The following JAKMIP3 variants were observed in gnomAD, a reference collection of about 807,000 sequenced individuals.
JAKMIP3 encodes Janus kinase and microtubule interacting protein 3.
A neutral mutation model predicts 118.5 loss-of-function variants in JAKMIP3; 58 were observed. That is an observed-to-expected ratio of 0.49 (90% confidence interval 0.40 to 0.61). JAKMIP3 has a LOEUF of 0.61. Ranked by LOEUF, JAKMIP3 falls within the 20% of genes least tolerant of loss-of-function variation. The pLI is 0.00. For synonymous variants in JAKMIP3, 486 were observed against 451.2 expected (o/e 1.08, Z -0.98); for missense variants, 950 against 1,109.0 (o/e 0.86, Z 2.04).
At chr10:132,126,858 AT>A (rs2135545546) in intron 3 of JAKMIP3, among the ~76,000 whole-genome samples, 1 of 152,254 alleles carries the variant, frequency 6.6e-6, no homozygotes, top group African/African-American at 2.4e-5. Flanking sequence ...TATATTGTCT[AT>A]TTTATATATA....
At chr10:132,080,745 C>T (rs1326253061) in intron 1 of JAKMIP3, among the ~76,000 whole-genome samples, 2 of 151,850 alleles carry the variant, frequency 1.3e-5, no homozygotes. Context: ...GTCTCGAACT[C>T]CCAACCTCAA....
chr10:132,120,854 C>T (rs1275094794), intron 3 of JAKMIP3, among the ~76,000 whole-genome samples: 1 of 152,242 alleles, frequency 6.6e-6, no homozygotes, highest in African/African-American at 2.4e-5. Flanking sequence ...CTCCCCAGGC[C>T]CAGCTGTGAG....
intron 15 of JAKMIP3, 51 bp from the exon 16 acceptor site, chr10:132,149,931 C>A (rs942879311): frequency 1.4e-6 from 1 of 713,192 alleles, no homozygotes; most frequent in East Asian, 4.0e-5. Context: ...CTTCCCCACC[C>A]CCTCTGCCCA....
chr10:132,167,118 C>CCCCTG (rs1590017476), intron 22 of JAKMIP3, 63 bp downstream of exon 22: 2 of 1,152,492 alleles, frequency 1.7e-6, no homozygotes, highest in Non-Finnish European at 2.5e-6. Context: ...GACTCCTCTG[C>CCCCTG]CCCTGCCCTG....
chr10:132,073,941 A>G (rs371891053), intron 1 of JAKMIP3, among the ~76,000 whole-genome samples: 4 of 152,246 alleles, frequency 2.6e-5, no homozygotes, highest in African/African-American at 9.6e-5. Flanking sequence ...TCTTTGAGAA[A>G]TCTCCATACG....
rs1271997065 is a variant in JAKMIP3 at position 132,184,603 on chromosome 10, C to T, written c.*3350C>T. ...CATGCCAGGTAGTGTGTGTATTCTC[C>T]CAGGCACTCCCTTCATAGTCACCCT... On this transcript the variant is annotated 3_prime_UTR_variant, in exon 24 of 24. Coordinates refer to ENST00000684848, the MANE Select transcript of JAKMIP3 (RefSeq NM_001323087.2). 6.6e-6 allele frequency: 1 copy of T among 152,138 alleles called. No individual in the cohort carries two copies. The highest frequency in any genetic ancestry group is 1.5e-5 in the Non-Finnish European group (1 of 68,028). 9.4% of individuals were successfully genotyped at this position (152,138 alleles called of 1,614,324 possible).
At chr10:132,051,790 A>G (rs997308715) in intron 1 of JAKMIP3, among the ~76,000 whole-genome samples, 4 of 152,126 alleles carry the variant, frequency 2.6e-5, no homozygotes, top group Non-Finnish European at 4.4e-5. Context: ...ATTTTTCTGT[A>G]GAGATGGCGT....
rs2047828297 is a variant in JAKMIP3 at position 132,117,259 on chromosome 10, C to T, written c.318C>T (p.Ile106=). The change falls in exon 3 of 24, where the codon ATC becomes ATT. Residue 106 remains isoleucine, a synonymous_variant. Transcript: ENST00000684848. The surrounding 1 kb of genome is among the most constrained non-coding windows in gnomAD (Gnocchi z 8.6). The part of the protein sequence containing the change: ...RQHEAELLRV[I]KIKDNENQRL... ...ATGAGGCTGAGCTGCTCAGGGTCATCAAGATCAAGGACAACGAGAACCAGC... is the reference window on the plus strand; with the variant it reads ...ATGAGGCTGAGCTGCTCAGGGTCATTAAGATCAAGGACAACGAGAACCAGC... The T allele has an allele frequency of 6.2e-7, 1 of 1,613,980 alleles. No homozygotes were observed. Among genetic ancestry groups the T allele is most frequent in the Non-Finnish European group, 8.5e-7 (1 of 1,179,894 alleles).
intron 1 of JAKMIP3, among the ~76,000 whole-genome samples, chr10:132,042,274 T>C (rs1417526261): frequency 6.7e-6 from 1 of 150,138 alleles, no homozygotes; most frequent in Admixed American, 6.6e-5. Context: ...TGCAGTGGCA[T>C]GATCATGGCT....
rs1564858882 is a variant in JAKMIP3 at position 132,065,955 on chromosome 10, C to T, written c.-244C>T. Reference sequence around the variant, plus strand: ...AGCTCTTTGCTGAGTCATAGAAGCTCGGAGCTGATTTGCGCAAAAGCCGGA... The same window carrying T: ...AGCTCTTTGCTGAGTCATAGAAGCTTGGAGCTGATTTGCGCAAAAGCCGGA... On this transcript the variant is annotated 5_prime_UTR_variant, in exon 1 of 24. Transcript: ENST00000684848. The surrounding 1 kb of genome is among the most constrained non-coding windows in gnomAD (Gnocchi z 5.6). Among the ~76,000 whole-genome samples, 1 of 152,148 alleles carries T rather than the reference C, an allele frequency of 6.6e-6. No individual in the cohort carries two copies. Among genetic ancestry groups the T allele is most frequent in the Non-Finnish European group, 1.5e-5 (1 of 68,028 alleles).
chr10:132,172,956 T>C (rs1246180062), intron 23 of JAKMIP3, among the ~76,000 whole-genome samples: 5 of 139,702 alleles, frequency 3.6e-5, no homozygotes, highest in Admixed American at 6.9e-5. Context: ...CTTCCTTCTC[T>C]CTCTCCTTCC....
chr10:132,122,075 T>C (rs967050991), intron 3 of JAKMIP3, among the ~76,000 whole-genome samples: 2 of 152,226 alleles, frequency 1.3e-5, no homozygotes, highest in Admixed American at 6.5e-5. Context: ...CGGTAGGTGT[T>C]CAATAAATTT....
At position 132,085,943 on chromosome 10, in the gene JAKMIP3, C is replaced by T. The variant is rs192608089; in HGVS notation, c.-137-18729C>T. 3.4e-4 allele frequency among the ~76,000 whole-genome samples: 52 copies of T among 152,128 alleles called. No homozygotes were observed. In the East Asian group the frequency reaches 8.7e-3, roughly 25 times the overall value. On this transcript the variant is annotated intron_variant, in intron 1 of 23. Transcript: ENST00000684848. The stretch of plus-strand genomic sequence containing the variant: ...GTTTGGTTTGTTCTTGTTTTGCTAG[C>T]TTCTTGAGGTGTGACCTTAGATTGT...
chr10:132,126,101 C>T (rs193235746), intron 3 of JAKMIP3, among the ~76,000 whole-genome samples: 1 of 152,082 alleles, frequency 6.6e-6, no homozygotes, highest in Admixed American at 6.6e-5. Context: ...CAAGCTCATA[C>T]CTTTTGTTTT....
At chr10:132,086,599 A>G (rs936461816) in intron 1 of JAKMIP3, among the ~76,000 whole-genome samples, 3 of 152,184 alleles carry the variant, frequency 2.0e-5, no homozygotes, top group Non-Finnish European at 2.9e-5. Flanking sequence ...AAGGCCTTTT[A>G]TCATTATATA....
intron 11 of JAKMIP3, among the ~76,000 whole-genome samples, chr10:132,142,490 G>GCCCCGGCCCCTCTC (rs1554948176): frequency 2.4e-4 from 37 of 152,188 alleles, no homozygotes; most frequent in African/African-American, 7.2e-4. Context: ...CCCGGCCCCG[G>GCCCCGGCCCCTCTC]CCCCGGCCCC....
intron 23 of JAKMIP3, among the ~76,000 whole-genome samples, chr10:132,178,671 A>G (rs2060413053): frequency 6.6e-6 from 1 of 152,146 alleles, no homozygotes; most frequent in Non-Finnish European, 1.5e-5. Context: ...CTGTGTGAGA[A>G]CCCTGGGGTT....
rs1565021055 is a variant in JAKMIP3, at chr10:132,180,708, CGCGT to C, written c.*1104-1647_*1104-1644del. ...GTGTGTGTGCGTGCGTGTGTGTGTG[CGCGT>C]GTGTGTGCGTGTGTGTGCGTGTGTG... On this transcript the variant is annotated intron_variant, in intron 23 of 23. Transcript: ENST00000684848. 1.3e-3 allele frequency among the ~76,000 whole-genome samples: 17 copies of C among 12,744 alleles called. 4 individuals are homozygous for C. Among genetic ancestry groups the C allele is most frequent in the East Asian group, 6.1e-3 (2 of 328 alleles). The allele number at this position is 12,744 out of a possible 152,430, so 8.4% of individuals were successfully genotyped here. A position where few individuals can be genotyped will look rare whatever the true frequency, so the allele number is the denominator to read the frequency against.
At chr10:132,062,579 C>T (rs556327705), upstream of JAKMIP3, among the ~76,000 whole-genome samples, 55 of 152,310 alleles carry the variant, frequency 3.6e-4, no homozygotes, top group African/African-American at 1.3e-3. Flanking sequence ...GAGGACATGA[C>T]GTTGAGTGAA....
Sources: gnomAD v4.1 joint callset for allele counts (sites outside exome capture counted in the v4.1 genomes callset) on GRCh38, gnomAD v4.1.1 for gene constraint, Gnocchi (gnomAD v3.1) non-coding constraint, MANE v1.5 for transcripts, NCBI Gene and HGNC (gene_info 2026-07-23, HGNC 2026-07-21) for gene names.